The following TUSC3 variants were observed in gnomAD, a reference collection of about 807,000 sequenced individuals.
TUSC3 encodes the protein dolichyl-diphosphooligosaccharide--protein glycosyltransferase subunit TUSC3.
A neutral mutation model predicts 44.8 loss-of-function variants in TUSC3; 45 were observed. That is an observed-to-expected ratio of 1.00 (90% CI 0.79 to 1.29). TUSC3 has a LOEUF of 1.29. TUSC3 is among the 50% of genes most tolerant of loss of function. The pLI, the probability that TUSC3 is intolerant of heterozygous loss-of-function variation, is 0.00. For synonymous variants in TUSC3, 212 were observed against 152.9 expected, an observed-to-expected ratio of 1.39 and a Z score of -2.85; for missense variants, 519 against 437.9, an observed-to-expected ratio of 1.19 and a Z score of -1.65.
At chr8:15,711,113 T>G (rs1809828966) in intron 6 of TUSC3, among the ~76,000 whole-genome samples, 1 of 151,738 alleles carries the variant, frequency 6.6e-6, no homozygotes. Flanking sequence ...CTCCGTTTTC[T>G]TCGCTTTCCC....
the TUSC3 span, among the ~76,000 whole-genome samples, chr8:15,779,877 T>C: frequency 1.3e-5 from 2 of 152,222 alleles, no homozygotes; most frequent in African/African-American, 4.8e-5. Flanking sequence ...CTATAGTCTG[T>C]GTCATACTTA....
At chr8:15,440,220 G>T (rs1477532136) in intron 1 of TUSC3, among the ~76,000 whole-genome samples, 1 of 152,174 alleles carries the variant, frequency 6.6e-6, no homozygotes, top group African/African-American at 2.4e-5. Context: ...CCAAAGAGAG[G>T]AGTAGAGCTG....
the TUSC3 span, among the ~76,000 whole-genome samples, chr8:15,816,564 G>C: frequency 6.6e-6 from 1 of 152,098 alleles, no homozygotes; most frequent in Admixed American, 6.6e-5. Context: ...GGAATTTCTG[G>C]ACTTTATTGG....
At chr8:15,656,804 C>T (rs919069723) in intron 3 of TUSC3, among the ~76,000 whole-genome samples, 1 of 152,214 alleles carries the variant, frequency 6.6e-6, no homozygotes, top group Admixed American at 6.5e-5. Flanking sequence ...TTGGGCTCTC[C>T]ACAAAGTCAT....
intron 6 of TUSC3, among the ~76,000 whole-genome samples, chr8:15,706,976 C>A (rs889379791): frequency 6.6e-6 from 1 of 151,856 alleles, no homozygotes; most frequent in African/African-American, 2.4e-5. Context: ...ATCATTGAAT[C>A]ATATTATAAG....
chr8:15,591,761 A>G (rs1185381546), intron 1 of TUSC3, among the ~76,000 whole-genome samples: 1 of 152,168 alleles, frequency 6.6e-6, no homozygotes, highest in African/African-American at 2.4e-5. Flanking sequence ...GAGTGAGCCA[A>G]GGGGAAAGTG....
At chr8:15,562,464 A>G (rs1802513466) in intron 1 of TUSC3, among the ~76,000 whole-genome samples, 1 of 152,144 alleles carries the variant, frequency 6.6e-6, no homozygotes, top group Non-Finnish European at 1.5e-5. Flanking sequence ...ATGCATAAAA[A>G]ATTGCCACAA....
intron 2 of TUSC3, among the ~76,000 whole-genome samples, chr8:15,626,683 GGC>G (rs1259500257): frequency 6.6e-6 from 1 of 152,218 alleles, no homozygotes; most frequent in African/African-American, 2.4e-5. Flanking sequence ...TGCTCTTGGT[GGC>G]TGCTCCAGTC....
intron 2 of TUSC3, among the ~76,000 whole-genome samples, chr8:15,525,662 A>G (rs888764946): frequency 3.3e-5 from 5 of 152,148 alleles, no homozygotes; most frequent in African/African-American, 1.2e-4. Flanking sequence ...ATAATCCAGA[A>G]AGACAGAGCT....
chr8:15,564,092 C>G (rs1356983137), intron 1 of TUSC3, among the ~76,000 whole-genome samples: 5 of 152,066 alleles, frequency 3.3e-5, no homozygotes, highest in Admixed American at 3.3e-4. Flanking sequence ...CAGATAATTA[C>G]TTGAAGTTTC....
intron 2 of TUSC3, among the ~76,000 whole-genome samples, chr8:15,524,002 C>G (rs6981975): frequency 0.055 from 8,235 of 149,832 alleles, 267 homozygotes; most frequent in Middle Eastern, 0.11. Context: ...GTTGCAGTGA[C>G]CTGAGATTGC....
intron 1 of TUSC3, among the ~76,000 whole-genome samples, chr8:15,593,094 AT>A (rs1346656257): frequency 1.3e-5 from 2 of 150,924 alleles, no homozygotes; most frequent in African/African-American, 2.5e-5. Context: ...TTAAAAAAAA[AT>A]TTTTTTTTGA....
At chr8:15,767,296 TC>T (rs1227897436), downstream of TUSC3, among the ~76,000 whole-genome samples, 1 of 152,050 alleles carries the variant, frequency 6.6e-6, no homozygotes, top group Non-Finnish European at 1.5e-5. Context: ...CATCTCACCT[TC>T]CGGCCATAAT....
chr8:15,665,353 G>C (rs907127150), intron 5 of TUSC3, among the ~76,000 whole-genome samples: 1 of 151,466 alleles, frequency 6.6e-6, no homozygotes, highest in African/African-American at 2.4e-5. Flanking sequence ...ACAAGTCTAG[G>C]TACAATTAGC....
intron 1 of TUSC3, among the ~76,000 whole-genome samples, chr8:15,467,931 A>C (rs1484864091): frequency 6.6e-6 from 1 of 152,220 alleles, no homozygotes; most frequent in African/African-American, 2.4e-5. Context: ...ACTTTATGTT[A>C]TACAAATTTT....
At chr8:15,833,762 A>T in the TUSC3 span, among the ~76,000 whole-genome samples, 5 of 152,266 alleles carry the variant, frequency 3.3e-5, no homozygotes, top group African/African-American at 1.2e-4. Flanking sequence ...CCGGGTGACA[A>T]AACAATCTGT....
Position 15,728,907 on chromosome 8 carries a change from A to G in TUSC3, c.799-1759A>G, listed in dbSNP as rs374015239. 1.1e-4 allele frequency among the ~76,000 whole-genome samples: 16 copies of G among 152,236 alleles called. No individual in the cohort carries two copies. The East Asian group carries it at 3.1e-3, about 30-fold the overall frequency. On this transcript the variant is annotated intron_variant, in intron 6 of 10. Transcript: ENST00000503731. Reference sequence around the variant, plus strand: ...TGGGGTCCTGGAAGTCAAGTGAAGAAAATATTAAAGAGAATGAGTGGTCAG... The same window carrying G: ...TGGGGTCCTGGAAGTCAAGTGAAGAGAATATTAAAGAGAATGAGTGGTCAG...
intron 2 of TUSC3, among the ~76,000 whole-genome samples, chr8:15,510,460 T>C (rs1022627597): frequency 6.6e-6 from 1 of 151,476 alleles, no homozygotes; most frequent in Non-Finnish European, 1.5e-5. Context: ...AAATATTATA[T>C]ATAAATGCAT....
chr8:15,446,547 G>A (rs543158609), intron 1 of TUSC3, among the ~76,000 whole-genome samples: 428 of 152,144 alleles, frequency 2.8e-3, no homozygotes, highest in South Asian at 3.7e-3. Context: ...CCAACACGGC[G>A]AAACCCCGTC....
Sources: gnomAD v4.1 joint callset for allele counts (sites outside exome capture counted in the v4.1 genomes callset) on GRCh38, gnomAD v4.1.1 for gene constraint, MANE v1.5 for transcripts, NCBI Gene and HGNC (gene_info 2026-07-23, HGNC 2026-07-21) for gene names.